MAP3K4: variants seen among roughly 807,000 people sequenced by gnomAD.
MAP3K4 encodes the protein MAP three kinase 1.
Under a neutral mutation model 185.6 loss-of-function variants are expected in MAP3K4, and 67 were observed. The ratio of observed to expected loss-of-function variants is 0.36; its 90% CI spans 0.30 to 0.44. MAP3K4 has a LOEUF of 0.44. Among genes scored for constraint, MAP3K4 ranks in the 20% least tolerant of loss-of-function variants. The pLI is 1.00. For synonymous variants in MAP3K4, 702 were observed against 710.4 expected, an observed-to-expected ratio of 0.99 and a Z score of 0.19; for missense variants, 1,551 against 1,995.1, an observed-to-expected ratio of 0.78 and a Z score of 4.24.
At position 161,089,478 on chromosome 6, in the gene MAP3K4, C is replaced by G; in HGVS notation, c.2973+7C>G. The G allele has an allele frequency of 6.2e-7, 1 of 1,613,968 alleles. No homozygotes were observed. The highest frequency in any genetic ancestry group is 8.5e-7 in the Non-Finnish European group (1 of 1,179,912). The stretch of plus-strand genomic sequence containing the variant: ...AGCTTTGCAGCAGCTGAAGGTATTA[C>G]ACTGTCCTCTACATTAGCTGAGATT... On this transcript the variant is annotated splice_region_variant and intron_variant, in intron 11 of 26. Coordinates refer to ENST00000392142, the MANE Select transcript of MAP3K4 (RefSeq NM_005922.4).
chr6:161,027,039 A>G (rs939285717), intron 1 of MAP3K4, among the ~76,000 whole-genome samples: 9 of 152,118 alleles, frequency 5.9e-5, no homozygotes, highest in East Asian at 1.9e-4. Context: ...ATATAAATCT[A>G]TGAGTGAAAC....
Position 161,030,741 on chromosome 6 carries a change from G to A in MAP3K4, c.153-3518G>A, listed in dbSNP as rs924120425. Among the ~76,000 whole-genome samples the A allele has an allele frequency of 5.9e-5, 9 of 152,068 alleles. No individual in the cohort carries two copies. In the South Asian group the frequency reaches 1.5e-3, roughly 25 times the overall value. ...GTAATTTTTTGATAGGATGGAAAAC[G>A]TTGTGAATGTTATTTATTAGGTGCT... On this transcript the variant is annotated intron_variant, in intron 1 of 26. Coordinates refer to ENST00000392142, the MANE Select transcript of MAP3K4 (RefSeq NM_005922.4).
Position 161,056,805 on chromosome 6 carries a change from T to G in MAP3K4, c.1707+6826T>G, listed in dbSNP as rs1784256796. On this transcript the variant is annotated intron_variant, in intron 3 of 26. Coordinates refer to ENST00000392142, the MANE Select transcript of MAP3K4 (RefSeq NM_005922.4). This position sits in a 1 kb window ranked among gnomAD's most constrained non-coding sequence, Gnocchi z 5.4. ...TCATACTTTTGTAATTTAATTAGAT[T>G]CATTTATTTCATCTGCGTTGCATCC... Among the ~76,000 whole-genome samples the G allele has an allele frequency of 6.6e-6, 1 of 152,206 alleles. No individual in the cohort carries two copies. Among genetic ancestry groups the G allele is most frequent in the African/African-American group, 2.4e-5 (1 of 41,444 alleles).
chr6:161,052,898 G>T (rs777172851), intron 3 of MAP3K4, among the ~76,000 whole-genome samples: 1 of 152,066 alleles, frequency 6.6e-6, no homozygotes, highest in Non-Finnish European at 1.5e-5. Flanking sequence ...AGAACGTTGT[G>T]GATAGGAATC....
At position 161,112,788 on chromosome 6, in the gene MAP3K4, C is replaced by G. The variant is rs1302786891; in HGVS notation, c.4626+14C>G. 1.3e-6 allele frequency: 2 copies of G among 1,546,224 alleles called. No homozygotes were observed. The highest frequency in any genetic ancestry group is 2.1e-5 in the Admixed American group (1 of 47,918). On this transcript the variant is annotated intron_variant, in intron 25 of 26. Transcript: ENST00000392142. The surrounding 1 kb of genome is among the most constrained non-coding windows in gnomAD (Gnocchi z 5.1). ...GTGACTGGCAAGGTAAGCGGAGCCCCCACACCTGGCGGAGCAACTTCAGAA... is the reference window on the plus strand; with the variant it reads ...GTGACTGGCAAGGTAAGCGGAGCCCGCACACCTGGCGGAGCAACTTCAGAA...
rs181917500 is a variant in MAP3K4 at position 161,053,574 on chromosome 6, A to G, written c.1707+3595A>G. Among the ~76,000 whole-genome samples the G allele has an allele frequency of 6.6e-6, 1 of 152,286 alleles. No individual in the cohort carries two copies. The highest frequency in any genetic ancestry group is 1.5e-5 in the Non-Finnish European group (1 of 68,014). ...TACATTTTAGGCAGTAAAACCTTTT[A>G]GGTTTGAGGACTTTTTTGTTTGTTT... On this transcript the variant is annotated intron_variant, in intron 3 of 26. Coordinates refer to ENST00000392142, the MANE Select transcript of MAP3K4 (RefSeq NM_005922.4). This position sits in a 1 kb window ranked among gnomAD's most constrained non-coding sequence, Gnocchi z 4.2.
chr6:161,108,057 C>G lies in MAP3K4; in HGVS notation c.4119+88C>G, dbSNP rs1263262461. On this transcript the variant is annotated intron_variant, in intron 21 of 26. Coordinates refer to ENST00000392142, the MANE Select transcript of MAP3K4 (RefSeq NM_005922.4). The surrounding 1 kb of genome is among the most constrained non-coding windows in gnomAD (Gnocchi z 5.7). ...TAGACGCTGGTCGTGATTCAGTTCT[C>G]TGTGCGTAGAGCTGTCTTCAGCACC... 6 of 1,196,702 alleles carry G rather than the reference C, an allele frequency of 5.0e-6. No homozygotes were observed. Among genetic ancestry groups the G allele is most frequent in the Non-Finnish European group, 6.0e-6 (5 of 834,632 alleles). 74.1% of individuals were successfully genotyped at this position (1,196,702 alleles called of 1,614,324 possible). A position where few individuals can be genotyped will look rare whatever the true frequency, so the allele number is the denominator to read the frequency against.
rs898201632 is a variant in MAP3K4 at position 161,116,488 on chromosome 6, T to G, written c.4807-362T>G. Among the ~76,000 whole-genome samples the G allele has an allele frequency of 4.6e-5, 7 of 152,144 alleles. No individual in the cohort carries two copies. Among genetic ancestry groups the G allele is most frequent in the Non-Finnish European group, 8.8e-5 (6 of 67,984 alleles). ...GGGGCAGAAGAGTGGGGTGATGCTC[T>G]TATTGGTAAGTGGGAGTAAGGGGCA... On this transcript the variant is annotated intron_variant, in intron 26 of 26. Coordinates refer to ENST00000392142, the MANE Select transcript of MAP3K4 (RefSeq NM_005922.4). The surrounding 1 kb of genome is among the most constrained non-coding windows in gnomAD (Gnocchi z 6.2).
At chr6:161,031,106 G>A (rs1782907454) in intron 1 of MAP3K4, among the ~76,000 whole-genome samples, 1 of 152,194 alleles carries the variant, frequency 6.6e-6, no homozygotes, top group Non-Finnish European at 1.5e-5. Flanking sequence ...AATGTTTACT[G>A]CTAGAATAAT....
intron 5 of MAP3K4, among the ~76,000 whole-genome samples, chr6:161,079,029 C>T (rs1785313502): frequency 6.6e-6 from 1 of 151,988 alleles, no homozygotes; most frequent in Non-Finnish European, 1.5e-5. Context: ...GCCTGGCCAA[C>T]ATGGCAAAAC....
chr6:161,096,087 A>G lies in MAP3K4; in HGVS notation c.3428-993A>G, dbSNP rs35441640. On this transcript the variant is annotated intron_variant, in intron 15 of 26. Transcript: ENST00000392142. The surrounding 1 kb of genome is among the most constrained non-coding windows in gnomAD (Gnocchi z 4.9). The stretch of plus-strand genomic sequence containing the variant: ...TCTTCCATTTGCCATTGTAATAGCT[A>G]GGATAATGAATCAGAGACACAAATT... 0.023 allele frequency among the ~76,000 whole-genome samples: 3,478 copies of G among 152,252 alleles called. 141 individuals carry two copies. Among genetic ancestry groups the G allele is most frequent in the African/African-American group, 0.08 (3,334 of 41,530 alleles).
chr6:161,071,094 A>C lies in MAP3K4; in HGVS notation c.1950+244A>C, dbSNP rs949053105. Among the ~76,000 whole-genome samples the C allele has an allele frequency of 6.6e-6, 1 of 152,176 alleles. No homozygotes were observed. Among genetic ancestry groups the C allele is most frequent in the African/African-American group, 2.4e-5 (1 of 41,440 alleles). On this transcript the variant is annotated intron_variant, in intron 4 of 26. Transcript: ENST00000392142. This position sits in a 1 kb window ranked among gnomAD's most constrained non-coding sequence, Gnocchi z 4.6. ...CACTTCCTTGTTCTAAGTATTTTAAAGTTTCAGTCTTTGAAGACTAAAATT... is the reference window on the plus strand; with the variant it reads ...CACTTCCTTGTTCTAAGTATTTTAACGTTTCAGTCTTTGAAGACTAAAATT...
At chr6:160,994,500 T>C (rs1405615310) in intron 1 of MAP3K4, among the ~76,000 whole-genome samples, 1 of 152,186 alleles carries the variant, frequency 6.6e-6, no homozygotes, top group African/African-American at 2.4e-5. Flanking sequence ...GTCCATGGTG[T>C]ATATATGCCA....
intron 2 of MAP3K4, among the ~76,000 whole-genome samples, chr6:161,039,143 G>A (rs191152944): frequency 8.3e-4 from 127 of 152,232 alleles, no homozygotes; most frequent in Admixed American, 2.7e-3. Context: ...ACTGCTCAAG[G>A]CAGCGGTACC....
At position 161,049,199 on chromosome 6, in the gene MAP3K4, C is replaced by G. The variant is rs777604716; in HGVS notation, c.927C>G (p.Ala309=). ...LTFKVDYGSF[A]FVRDRAGFNG... ...TCAAAGTCGACTATGGGAGCTTCGC[C>G]TTTGTTAGAGATAGAGCTGGTTTTA... Residue 309 remains alanine (A), a synonymous_variant, in exon 3 of 27, where the codon GCC becomes GCG. Transcript: ENST00000392142. The surrounding 1 kb of genome is among the most constrained non-coding windows in gnomAD (Gnocchi z 8.4). 2 of 1,613,980 alleles carry G rather than the reference C, an allele frequency of 1.2e-6. No individual in the cohort carries two copies. The highest frequency in any genetic ancestry group is 2.2e-5 in the East Asian group (1 of 44,888).
intron 25 of MAP3K4, among the ~76,000 whole-genome samples, chr6:161,113,085 G>A (rs187550626): frequency 6.6e-6 from 1 of 152,188 alleles, no homozygotes; most frequent in Admixed American, 6.5e-5. Flanking sequence ...ACAAAAACCC[G>A]CACATGAATG....
At chr6:160,998,603 A>C (rs1583083166) in intron 1 of MAP3K4, among the ~76,000 whole-genome samples, 1 of 152,202 alleles carries the variant, frequency 6.6e-6, no homozygotes, top group Non-Finnish European at 1.5e-5. Flanking sequence ...CTTTTAAAAA[A>C]CTATTTACTT....
At chr6:161,060,632 T>TTTTTTGAG (rs1784443550) in intron 3 of MAP3K4, among the ~76,000 whole-genome samples, 2 of 149,650 alleles carry the variant, frequency 1.3e-5, no homozygotes, top group Admixed American at 1.3e-4. Flanking sequence ...TTTTTTTTTT[T>TTTTTTGAG]TTTTTGAGAA....
chr6:161,040,277 T>C (rs1783390850), intron 2 of MAP3K4, among the ~76,000 whole-genome samples: 1 of 152,204 alleles, frequency 6.6e-6, no homozygotes, highest in Non-Finnish European at 1.5e-5. Context: ...ACTGGAAATA[T>C]GAGGCTACAT....
Sources: gnomAD v4.1 joint callset for allele counts (sites outside exome capture counted in the v4.1 genomes callset) on GRCh38, gnomAD v4.1.1 for gene constraint, Gnocchi (gnomAD v3.1) non-coding constraint, MANE v1.5 for transcripts, NCBI Gene and HGNC (gene_info 2026-07-23, HGNC 2026-07-21) for gene names.